EYS: variants seen among roughly 807,000 people sequenced by gnomAD.
EYS encodes protein eyes shut homolog.
EYS carries 250 observed loss-of-function variants against 282.1 expected under a neutral mutation model. The observed-to-expected ratio is 0.89, with a 90% CI of 0.80 to 0.98. The LOEUF is 0.98. Ranked by LOEUF, EYS falls within the 50% of genes least tolerant of loss-of-function variation. The pLI is 0.00. For synonymous variants in EYS, 1,355 were observed against 1,282.9 expected, an observed-to-expected ratio of 1.06 and a Z score of -1.20; for missense variants, 4,016 against 3,709.0, an observed-to-expected ratio of 1.08 and a Z score of -2.15.
chr6:65,047,354 C>A (rs1267107666), intron 13 of EYS, among the ~76,000 whole-genome samples: 4 of 151,840 alleles, frequency 2.6e-5, no homozygotes, highest in African/African-American at 9.7e-5. Flanking sequence ...ACGACAGATT[C>A]ATCACTGTTG....
intron 12 of EYS, among the ~76,000 whole-genome samples, chr6:65,190,454 T>C (rs1275861924): frequency 6.6e-6 from 1 of 151,406 alleles, no homozygotes. Context: ...GAAAATATAA[T>C]GGGCCTATAA....
At chr6:65,624,364 G>T (rs890881660) in intron 2 of EYS, among the ~76,000 whole-genome samples, 12 of 152,250 alleles carry the variant, frequency 7.9e-5, no homozygotes, top group African/African-American at 2.6e-4. Context: ...CTTTGCAGAG[G>T]TGATGAAGGG....
chr6:64,353,099 T>C (rs1418957926), intron 29 of EYS, among the ~76,000 whole-genome samples: 1 of 151,494 alleles, frequency 6.6e-6, no homozygotes, highest in Non-Finnish European at 1.5e-5. Context: ...AAAATAATTA[T>C]AATGCAATAT....
intron 35 of EYS, among the ~76,000 whole-genome samples, chr6:63,919,178 A>G (rs1764499815): frequency 6.6e-6 from 1 of 152,114 alleles, no homozygotes; most frequent in South Asian, 2.1e-4. Flanking sequence ...AAAGGAAGGT[A>G]GCAGTGAGTT....
chr6:64,674,364 CA>C (rs1223688438), intron 22 of EYS, among the ~76,000 whole-genome samples: 2 of 151,168 alleles, frequency 1.3e-5, no homozygotes, highest in Non-Finnish European at 3.0e-5. Context: ...AAAGTGTGTC[CA>C]TTTTTTTTTC....
chr6:64,319,072 C>T lies in EYS; in HGVS notation c.6079-11990G>A, dbSNP rs140440383. Among the ~76,000 whole-genome samples the T allele has an allele frequency of 4.0e-3, 609 of 151,504 alleles. 4 individuals are homozygous for T. Among genetic ancestry groups the T allele is most frequent in the Middle Eastern group, 0.01 (3 of 294 alleles). On this transcript the variant is annotated intron_variant, in intron 29 of 42. Transcript: ENST00000503581. ...CTTTTTACTTTTGAATCAGTAAAGT[C>T]CTTTCTCTTTATATTGTTATTGCCA...
At chr6:63,957,070 T>C (rs1273912851) in intron 35 of EYS, among the ~76,000 whole-genome samples, 3 of 152,206 alleles carry the variant, frequency 2.0e-5, no homozygotes, top group Non-Finnish European at 4.4e-5. Flanking sequence ...TGATGATCAA[T>C]TAACACTGAA....
chr6:64,073,128 TG>T (rs1771649506), intron 32 of EYS, among the ~76,000 whole-genome samples: 1 of 151,900 alleles, frequency 6.6e-6, no homozygotes, highest in South Asian at 2.1e-4. Context: ...ATAAAGGTAA[TG>T]GGAACAAAAA....
chr6:64,819,477 G>A lies in EYS; in HGVS notation c.3243+2168C>T, dbSNP rs911838562. 2.6e-5 allele frequency among the ~76,000 whole-genome samples: 4 copies of A among 152,020 alleles called. No individual in the cohort carries two copies. In the East Asian group the frequency reaches 5.8e-4, roughly 22 times the overall value. ...TATAGAAATCTATTATATGAAAAGT[G>A]GAGCATTCCAAATCAAGAAAGAATT... On this transcript the variant is annotated intron_variant, in intron 21 of 42. Coordinates refer to ENST00000503581, the MANE Select transcript of EYS (RefSeq NM_001142800.2).
intron 40 of EYS, among the ~76,000 whole-genome samples, chr6:63,768,034 G>T (rs552313167): frequency 3.7e-4 from 57 of 152,226 alleles, no homozygotes; most frequent in South Asian, 3.7e-3. Flanking sequence ...GCAGAAGACT[G>T]AAACTGGACC....
intron 12 of EYS, among the ~76,000 whole-genome samples, chr6:65,277,613 T>C (rs1442908535): frequency 6.6e-6 from 1 of 152,098 alleles, no homozygotes; most frequent in Non-Finnish European, 1.5e-5. Context: ...AAAATAAATT[T>C]CTGCTTTATA....
chr6:64,856,490 C>A (rs150286859), intron 19 of EYS, among the ~76,000 whole-genome samples: 4 of 151,972 alleles, frequency 2.6e-5, no homozygotes, highest in Middle Eastern at 3.4e-3. Context: ...TAGAAGATGG[C>A]GTTTTGTCAT....
chr6:65,220,990 G>T (rs542889910), intron 12 of EYS, among the ~76,000 whole-genome samples: 1 of 152,284 alleles, frequency 6.6e-6, no homozygotes, highest in East Asian at 1.9e-4. Flanking sequence ...ATGATTTAGG[G>T]TATCTGGCAG....
At chr6:65,371,212 A>T (rs1246454118) in intron 8 of EYS, among the ~76,000 whole-genome samples, 2 of 151,824 alleles carry the variant, frequency 1.3e-5, no homozygotes, top group East Asian at 3.9e-4. Context: ...GTATAACAAC[A>T]TAGCATTTAC....
chr6:64,449,325 G>A (rs1775231637), intron 26 of EYS, among the ~76,000 whole-genome samples: 1 of 152,092 alleles, frequency 6.6e-6, no homozygotes, highest in Non-Finnish European at 1.5e-5. Context: ...ACAAAGAAAT[G>A]AACAAAGCCT....
intron 36 of EYS, among the ~76,000 whole-genome samples, chr6:63,851,803 C>T (rs1772258113): frequency 6.6e-6 from 1 of 151,876 alleles, no homozygotes; most frequent in Non-Finnish European, 1.5e-5. Flanking sequence ...TAGCAGAAGA[C>T]AAGAAATAAC....
rs565803622 is a variant in EYS, at chr6:65,032,081, C to T, written c.2137+25533G>A. On this transcript the variant is annotated intron_variant, in intron 13 of 42. Coordinates refer to ENST00000503581, the MANE Select transcript of EYS (RefSeq NM_001142800.2). ...ATAAAAACAAAAACAAACAAACAAA[C>T]AAAAACAACCCTAAGAAACTATTAT... Among the ~76,000 whole-genome samples the T allele has an allele frequency of 5.3e-4, 80 of 152,016 alleles. 1 individual carries two copies. Among genetic ancestry groups the T allele is most frequent in the African/African-American group, 1.9e-3 (80 of 41,474 alleles).
At chr6:64,947,945 T>C (rs1769346354) in intron 14 of EYS, among the ~76,000 whole-genome samples, 1 of 151,878 alleles carries the variant, frequency 6.6e-6, no homozygotes, top group Non-Finnish European at 1.5e-5. Context: ...TTTATTTTGA[T>C]GCCTCAATAA....
intron 26 of EYS, among the ~76,000 whole-genome samples, chr6:64,581,543 C>T (rs1766068612): frequency 6.6e-6 from 1 of 152,002 alleles, no homozygotes; most frequent in South Asian, 2.1e-4. Flanking sequence ...ATAAATACTA[C>T]CATTTATCTT....
Sources: gnomAD v4.1 joint callset for allele counts (sites outside exome capture counted in the v4.1 genomes callset) on GRCh38, gnomAD v4.1.1 for gene constraint, MANE v1.5 for transcripts, NCBI Gene and HGNC (gene_info 2026-07-23, HGNC 2026-07-21) for gene names.